SVIL: variants seen among roughly 807,000 people sequenced by gnomAD.
SVIL encodes the protein supervillin, also known as archvillin.
SVIL carries 101 observed loss-of-function variants against 240.4 expected under a neutral mutation model. The ratio of observed to expected loss-of-function variants is 0.42; its 90% CI spans 0.36 to 0.50. SVIL has a LOEUF of 0.50. Ranked by LOEUF, SVIL falls within the 20% of genes least tolerant of loss-of-function variation. The pLI is 0.01. For missense variants in SVIL, 2,512 were observed against 2,818.7 expected, an observed-to-expected ratio of 0.89 and a Z score of 2.46; for synonymous variants, 999 against 1,100.0, an observed-to-expected ratio of 0.91 and a Z score of 1.82.
At chr10:29,489,954 T>A (rs1947791533) in intron 22 of SVIL, among the ~76,000 whole-genome samples, 1 of 152,222 alleles carries the variant, frequency 6.6e-6, no homozygotes, top group Non-Finnish European at 1.5e-5. Context: ...ATGAGTGTTA[T>A]GGGAAAATGA....
At chr10:29,710,203 G>A (rs1290189856) in intron 1 of SVIL, among the ~76,000 whole-genome samples, 2 of 151,976 alleles carry the variant, frequency 1.3e-5, no homozygotes, top group South Asian at 2.1e-4. Flanking sequence ...ACAGGTGCGC[G>A]CCACCATGCC....
intron 2 of SVIL, among the ~76,000 whole-genome samples, chr10:29,677,095 T>C (rs530974591): frequency 6.6e-6 from 1 of 152,336 alleles, no homozygotes; most frequent in East Asian, 1.9e-4. Context: ...AGAGAAATAA[T>C]GCCAGGGACT....
intron 1 of SVIL, among the ~76,000 whole-genome samples, chr10:29,718,770 A>G (rs982087850): frequency 6.6e-6 from 1 of 152,180 alleles, no homozygotes; most frequent in Non-Finnish European, 1.5e-5. Context: ...TGGAGATAAC[A>G]GTGTCTGGTA....
intron 1 of SVIL, among the ~76,000 whole-genome samples, chr10:29,581,709 C>T (rs891463163): frequency 2.0e-5 from 3 of 152,166 alleles, no homozygotes; most frequent in Non-Finnish European, 4.4e-5. Flanking sequence ...TATCTCCAAT[C>T]GTTTTAGTTT....
Position 29,730,346 on chromosome 10 carries a change from C to T in SVIL, c.-400+5405G>A, listed in dbSNP as rs142484408. Reference sequence around the variant, plus strand: ...TGAAGCTGTAGAAGAAGATGAGACTCAACCTCCAGCTTCGTATAAGTTGAC... The same window carrying T: ...TGAAGCTGTAGAAGAAGATGAGACTTAACCTCCAGCTTCGTATAAGTTGAC... On this transcript the variant is annotated intron_variant, in intron 1 of 35. Transcript: ENST00000375400. Among the ~76,000 whole-genome samples the T allele has an allele frequency of 3.6e-3, 552 of 152,308 alleles. 2 individuals carry two copies. Among genetic ancestry groups the T allele is most frequent in the Middle Eastern group, 0.017 (5 of 294 alleles).
Position 29,563,274 on chromosome 10 carries a change from T to G in SVIL, c.-124A>C. On this transcript the variant is annotated 5_prime_UTR_variant, in exon 3 of 38. Coordinates refer to ENST00000355867, the MANE Select transcript of SVIL (RefSeq NM_021738.3). The stretch of plus-strand genomic sequence containing the variant: ...TAGCGAGCTGTTCTTTATCTTCGAG[T>G]GAGAACTCCTTCTGAAAGCTAAAAA... 1.0e-6 allele frequency: 1 copy of G among 985,758 alleles called. No homozygotes were observed. The highest frequency in any genetic ancestry group is 1.2e-6 in the Non-Finnish European group (1 of 829,894). The allele number at this position is 985,758 out of a possible 1,614,324, so 61.1% of individuals were successfully genotyped here.
intron 34 of SVIL, among the ~76,000 whole-genome samples, chr10:29,464,088 A>G (rs1944598922): frequency 6.6e-6 from 1 of 152,188 alleles, no homozygotes; most frequent in Admixed American, 6.5e-5. Flanking sequence ...CCTGCACGCG[A>G]TTGCTTAGCA....
chr10:29,468,425 C>T lies in SVIL; in HGVS notation c.5844-550G>A, dbSNP rs188653283. Among the ~76,000 whole-genome samples the T allele has an allele frequency of 5.3e-3, 795 of 149,644 alleles. 37 individuals carry two copies. The South Asian group carries it at 0.099, about 19-fold the overall frequency. On this transcript the variant is annotated intron_variant, in intron 32 of 37. Coordinates refer to ENST00000355867, the MANE Select transcript of SVIL (RefSeq NM_021738.3). ...TAATATGGCTATGAACCTTCATGTACAAGTGTTTTCATTTCTCTTGGGTAG... is the reference window on the plus strand; with the variant it reads ...TAATATGGCTATGAACCTTCATGTATAAGTGTTTTCATTTCTCTTGGGTAG...
intron 17 of SVIL, among the ~76,000 whole-genome samples, chr10:29,508,947 A>C (rs1318978586): frequency 2.0e-5 from 3 of 152,238 alleles, no homozygotes; most frequent in Non-Finnish European, 4.4e-5. Flanking sequence ...GAATAAACCG[A>C]AATAGGGATG....
rs554296685 is a variant in SVIL at position 29,727,375 on chromosome 10, C to T, written c.-400+8376G>A. ...AACTCCTGGGCTCAAGGAATTCTGC[C>T]TCCTCAGCCTCCCAAGTAGCTGGGA... On this transcript the variant is annotated intron_variant, in intron 1 of 35. Coordinates refer to the SVIL transcript ENST00000375400. 2.0e-4 allele frequency among the ~76,000 whole-genome samples: 30 copies of T among 152,084 alleles called. No individual in the cohort carries two copies. In the South Asian group the frequency reaches 6.0e-3, roughly 31 times the overall value.
chr10:29,527,170 A>G, intron 12 of SVIL, 114 bp from the exon 13 acceptor site: 1 of 968,586 alleles, frequency 1.0e-6, no homozygotes. Context: ...TTAACAGAAT[A>G]TTTTGCTAAT....
rs1947209851 is a variant in SVIL at position 29,484,540 on chromosome 10, T to C, written c.4955+116A>G. ...AATATTCACAGTCCACTGCATATAA[T>C]CGTTTATGAAAACTGAACCCTATAA... On this transcript the variant is annotated intron_variant, in intron 27 of 37. Coordinates refer to ENST00000355867, the MANE Select transcript of SVIL (RefSeq NM_021738.3). The surrounding 1 kb of genome is among the most constrained non-coding windows in gnomAD (Gnocchi z 4.7). 1.2e-6 allele frequency: 1 copy of C among 825,798 alleles called. No individual in the cohort carries two copies. The highest frequency in any genetic ancestry group is 2.3e-5 in the South Asian group (1 of 44,242). 51.2% of individuals were successfully genotyped at this position (825,798 alleles called of 1,614,324 possible).
chr10:29,688,275 G>A (rs1961243080), intron 1 of SVIL, among the ~76,000 whole-genome samples: 1 of 152,226 alleles, frequency 6.6e-6, no homozygotes, highest in South Asian at 2.1e-4. Flanking sequence ...CTCAGGGGAT[G>A]ATTGATGGCT....
At position 29,532,740 on chromosome 10, in the gene SVIL, C is replaced by A. The variant is rs746840970; in HGVS notation, c.1627G>T (p.Val543Phe). 1.1e-5 allele frequency: 17 copies of A among 1,614,162 alleles called. No homozygotes were observed. In the South Asian group the frequency reaches 1.8e-4, roughly 17 times the overall value. ...AAATCTGACAGAGAGCGGGTACGGA[C>A]CTTGCGCTTTTTCGAGGCTTCCCTG... Reference protein sequence around the residue: ...HNREASKKRKVRTRSLSDFTG... With the variant: ...HNREASKKRKFRTRSLSDFTG... The change falls in exon 8 of 38, where the codon GTC becomes TTC. Residue 543 changes from valine (V) to phenylalanine (F), a missense_variant. Physicochemically the swap from Val to Phe is conservative, Grantham distance 50 (BLOSUM62 -1). Coordinates refer to ENST00000355867, the MANE Select transcript of SVIL (RefSeq NM_021738.3).
intron 1 of SVIL, among the ~76,000 whole-genome samples, chr10:29,625,086 CAG>C (rs777253222): frequency 5.3e-5 from 8 of 151,948 alleles, no homozygotes; most frequent in Non-Finnish European, 7.4e-5. Context: ...AAAAAACACA[CAG>C]AAAGATTACA....
intron 3 of SVIL, chr10:29,647,374 T>TG (rs1958694020): frequency 6.6e-6 from 1 of 152,152 alleles, no homozygotes; most frequent in Non-Finnish European, 1.5e-5. Flanking sequence ...TTTCTGTCCT[T>TG]GGGGTTTTAA....
chr10:29,681,120 C>T (rs1228098714), intron 2 of SVIL, among the ~76,000 whole-genome samples: 1 of 151,940 alleles, frequency 6.6e-6, no homozygotes, highest in African/African-American at 2.4e-5. Context: ...AAAGGGGTTG[C>T]ATTTGTAATT....
intron 3 of SVIL, among the ~76,000 whole-genome samples, chr10:29,645,124 G>A (rs1722742961): frequency 6.6e-6 from 1 of 152,164 alleles, no homozygotes; most frequent in African/African-American, 2.4e-5. Context: ...CCTCAGGTAA[G>A]GGCTTGGTTT....
intron 6 of SVIL, among the ~76,000 whole-genome samples, 162 bp from the exon 7 acceptor site, chr10:29,536,231 C>A (rs1951733890): frequency 1.3e-5 from 2 of 152,038 alleles, no homozygotes; most frequent in South Asian, 4.2e-4. Flanking sequence ...AAAGAGGGAG[C>A]AGCAGACATG....
Sources: gnomAD v4.1 joint callset for allele counts (sites outside exome capture counted in the v4.1 genomes callset) on GRCh38, gnomAD v4.1.1 for gene constraint, Gnocchi (gnomAD v3.1) non-coding constraint, MANE v1.5 for transcripts, NCBI Gene and HGNC (gene_info 2026-07-23, HGNC 2026-07-21) for gene names.